C12orf56: variants seen among roughly 807,000 people sequenced by gnomAD.
C12orf56 encodes chromosome 12 open reading frame 56.
In C12orf56, 71 loss-of-function variants were observed where a neutral mutation model predicts 69.9. The observed-to-expected ratio is 1.02, with a 90% CI of 0.84 to 1.24. The LOEUF (loss-of-function observed/expected upper bound fraction) is 1.24, where lower values mean the gene tolerates loss of function less well. Among genes scored for constraint, C12orf56 ranks in the 50% most tolerant of loss-of-function variants. The pLI is 0.00. For missense variants in C12orf56, 732 were observed against 738.5 expected, an observed-to-expected ratio of 0.99 and a Z score of 0.10; for synonymous variants, 276 against 274.1, an observed-to-expected ratio of 1.01 and a Z score of -0.07.
chr12:64,282,968 C>T lies in C12orf56; in HGVS notation c.1310+1696G>A, dbSNP rs893731595. On this transcript the variant is annotated intron_variant, in intron 8 of 12. Transcript: ENST00000543942. ...GACCAGCCTGACCAACATGGTGAAA[C>T]GCCATCTCTACTAAAAATACAAAAT... Among the ~76,000 whole-genome samples the T allele has an allele frequency of 2.7e-4, 41 of 151,824 alleles. No homozygotes were observed. In the East Asian group the frequency reaches 2.7e-3, roughly 10 times the overall value.
chr12:64,278,849 A>T (rs988372492), intron 8 of C12orf56, among the ~76,000 whole-genome samples: 1 of 152,112 alleles, frequency 6.6e-6, no homozygotes, highest in African/African-American at 2.4e-5. Context: ...TCATGCATGA[A>T]CTCAAAAGTC....
At position 64,371,929 on chromosome 12, in the gene C12orf56, G is replaced by A. The variant is rs1266851942; in HGVS notation, c.252+18385C>T. Among the ~76,000 whole-genome samples the A allele has an allele frequency of 5.6e-5, 7 of 125,852 alleles. No individual in the cohort carries two copies. The South Asian group carries it at 7.4e-4, about 13-fold the overall frequency. The allele number at this position is 125,852 out of a possible 152,430, so 82.6% of individuals were successfully genotyped here. ...TTTTTTTTTTTTTTTTTTTTTGCAC[G>A]CACCACCACATGCAGCTAATTTTTG... On this transcript the variant is annotated intron_variant, in intron 1 of 12. Transcript: ENST00000543942.
At chr12:64,333,851 T>C (rs2038961545) in intron 2 of C12orf56, among the ~76,000 whole-genome samples, 2 of 152,302 alleles carry the variant, frequency 1.3e-5, no homozygotes, top group South Asian at 2.1e-4. Flanking sequence ...AGAATCAGGA[T>C]CATCTGTGCT....
chr12:64,293,008 C>A (rs1163831889), intron 6 of C12orf56, among the ~76,000 whole-genome samples: 1 of 150,904 alleles, frequency 6.6e-6, no homozygotes, highest in Non-Finnish European at 1.5e-5. Flanking sequence ...AGCGAGACTC[C>A]GTGGGCGTAG....
chr12:64,332,529 T>C (rs2038945132), intron 2 of C12orf56, among the ~76,000 whole-genome samples: 1 of 152,204 alleles, frequency 6.6e-6, no homozygotes, highest in African/African-American at 2.4e-5. Flanking sequence ...GTAGGCACTT[T>C]GTATTTGTGA....
chr12:64,266,416 C>T lies in C12orf56; in HGVS notation c.*767G>A, dbSNP rs575343739. 5.6e-5 allele frequency: 14 copies of T among 248,088 alleles called. No homozygotes were observed. Among genetic ancestry groups the T allele is most frequent in the East Asian group, 9.4e-5 (1 of 10,612 alleles). The allele number at this position is 248,088 out of a possible 1,614,324, so 15.4% of individuals were successfully genotyped here. A position where few individuals can be genotyped will look rare whatever the true frequency, so the allele number is the denominator to read the frequency against. Reference sequence around the variant, plus strand: ...TAGCAGATTTTAAAACTCTGGCCTCCGGCCTTGGTGGTTTCTGGTGCAGGA... The same window carrying T: ...TAGCAGATTTTAAAACTCTGGCCTCTGGCCTTGGTGGTTTCTGGTGCAGGA... On this transcript the variant is annotated 3_prime_UTR_variant, in exon 13 of 13. Transcript: ENST00000543942.
chr12:64,313,429 C>T lies in C12orf56; in HGVS notation c.895-677G>A, dbSNP rs186388615. ...AGGTACCATGGCTTGTACCTGTAGT[C>T]TCAGCTACTTCGGAGGCTGAGGCAG... On this transcript the variant is annotated intron_variant, in intron 4 of 12. Transcript: ENST00000543942. Among the ~76,000 whole-genome samples, 451 of 151,974 alleles carry T rather than the reference C, an allele frequency of 3.0e-3. 1 individual carries two copies. The highest frequency in any genetic ancestry group is 5.5e-3 in the Non-Finnish European group (376 of 67,970).
intron 2 of C12orf56, among the ~76,000 whole-genome samples, chr12:64,342,562 T>C (rs946439646): frequency 6.6e-6 from 1 of 152,176 alleles, no homozygotes; most frequent in African/African-American, 2.4e-5. Flanking sequence ...CTCATGTAAC[T>C]TACTTATGCC....
intron 1 of C12orf56, among the ~76,000 whole-genome samples, chr12:64,372,419 CTA>C (rs1247742891): frequency 6.6e-6 from 1 of 152,134 alleles, no homozygotes; most frequent in Non-Finnish European, 1.5e-5. Flanking sequence ...TTATTGCGAA[CTA>C]TGTCTGACTA....
chr12:64,275,039 C>T (rs1337752492), intron 10 of C12orf56, 64 bp from the exon 11 acceptor site: 2 of 1,381,580 alleles, frequency 1.4e-6, no homozygotes, highest in Admixed American at 3.6e-5. Flanking sequence ...TAAAAGGATA[C>T]TCATTCTTAA....
chr12:64,348,467 TC>T (rs1488267821), intron 2 of C12orf56, among the ~76,000 whole-genome samples: 2 of 152,196 alleles, frequency 1.3e-5, no homozygotes, highest in Non-Finnish European at 2.9e-5. Flanking sequence ...CTTAAGGTAA[TC>T]TGGTATTCTA....
intron 11 of C12orf56, among the ~76,000 whole-genome samples, chr12:64,271,026 C>T (rs1396594892): frequency 2.6e-5 from 4 of 152,028 alleles, no homozygotes; most frequent in African/African-American, 4.8e-5. Flanking sequence ...ATCAGTCAGG[C>T]GTGGTGGTGC....
chr12:64,277,658 A>G, intron 9 of C12orf56, 22 bp downstream of exon 9: 1 of 1,412,602 alleles, frequency 7.1e-7, no homozygotes, highest in African/African-American at 1.4e-5. Context: ...ATAATAGTTT[A>G]CCCCCCAAAT....
intron 5 of C12orf56, among the ~76,000 whole-genome samples, chr12:64,308,976 G>GA (rs1421105332): frequency 2.7e-5 from 3 of 112,274 alleles, no homozygotes; most frequent in Admixed American, 2.7e-4. Flanking sequence ...AGAAAGAAAA[G>GA]AAAGAAAGAA....
chr12:64,327,912 C>G lies in C12orf56; in HGVS notation c.488+3048G>C, dbSNP rs577373027. On this transcript the variant is annotated intron_variant, in intron 3 of 12. Transcript: ENST00000543942. ...GAATATTAGGTACTGCAGCCATTGT[C>G]CAACAATTTTCTTATCCAGAATAAT... Among the ~76,000 whole-genome samples, 203 of 152,186 alleles carry G rather than the reference C, an allele frequency of 1.3e-3. 1 individual carries two copies. Among genetic ancestry groups the G allele is most frequent in the Non-Finnish European group, 2.6e-3 (178 of 68,002 alleles).
intron 2 of C12orf56, among the ~76,000 whole-genome samples, chr12:64,351,053 C>T (rs1422265961): frequency 6.6e-6 from 1 of 152,178 alleles, no homozygotes; most frequent in Admixed American, 6.6e-5. Context: ...CTGGCCATAG[C>T]TCATAAGGAA....
chr12:64,316,014 G>T (rs959719302), intron 4 of C12orf56, among the ~76,000 whole-genome samples: 2 of 151,672 alleles, frequency 1.3e-5, no homozygotes, highest in Admixed American at 1.3e-4. Flanking sequence ...TCTCACTTAC[G>T]TGTGAAATAT....
intron 1 of C12orf56, among the ~76,000 whole-genome samples, chr12:64,389,720 C>T (rs77372991): frequency 2.0e-5 from 3 of 152,192 alleles, no homozygotes; most frequent in Admixed American, 2.0e-4. Context: ...TGGTCTCGAA[C>T]CCCTGACCCC....
At chr12:64,329,080 A>G (rs1016937855) in intron 3 of C12orf56, among the ~76,000 whole-genome samples, 5 of 151,550 alleles carry the variant, frequency 3.3e-5, no homozygotes, top group Non-Finnish European at 7.4e-5. Flanking sequence ...AAAAAAAGAA[A>G]CTCCTTTTTC....
Sources: gnomAD v4.1 joint callset for allele counts (sites outside exome capture counted in the v4.1 genomes callset) on GRCh38, gnomAD v4.1.1 for gene constraint, MANE v1.5 for transcripts, NCBI Gene and HGNC (gene_info 2026-07-23, HGNC 2026-07-21) for gene names.